Variants in CDC42SE2 observed in about 807,000 individuals in gnomAD.
CDC42SE2 encodes the protein CDC42 small effector 2, also known as CDC42 small effector protein 2.
CDC42SE2 carries 3 observed loss-of-function variants against 11.5 expected under a neutral mutation model. The ratio of observed to expected loss-of-function variants is 0.26; its 90% CI spans 0.12 to 0.67. The LOEUF is 0.67. CDC42SE2 is among the 30% of genes least tolerant of loss of function. CDC42SE2 has a pLI of 0.80. For missense variants in CDC42SE2, 82 were observed against 106.8 expected (o/e 0.77, Z 1.02); for synonymous variants, 33 against 34.8 (o/e 0.95, Z 0.18).
At chr5:131,341,260 TC>T (rs1467276475) in intron 2 of CDC42SE2, among the ~76,000 whole-genome samples, 2 of 152,124 alleles carry the variant, frequency 1.3e-5, no homozygotes, top group African/African-American at 4.8e-5. Context: ...ATTTGAGAAT[TC>T]CAAGAGTTAA....
intron 1 of CDC42SE2, among the ~76,000 whole-genome samples, chr5:131,315,495 G>T (rs1758022876): frequency 6.6e-6 from 1 of 152,174 alleles, no homozygotes; most frequent in African/African-American, 2.4e-5. Flanking sequence ...AAAGGAGAGT[G>T]GCGACTTCTG....
chr5:131,293,135 C>T (rs564327380), intron 1 of CDC42SE2, among the ~76,000 whole-genome samples: 6 of 152,026 alleles, frequency 3.9e-5, no homozygotes, highest in East Asian at 1.9e-4. Flanking sequence ...TAACCCGCAA[C>T]GTGATGGTAA....
At chr5:131,275,623 G>A (rs1254588929) in intron 1 of CDC42SE2, among the ~76,000 whole-genome samples, 1 of 151,396 alleles carries the variant, frequency 6.6e-6, no homozygotes, top group Admixed American at 6.6e-5. Context: ...AGGGATGTAG[G>A]CTCAAATGAG....
intron 1 of CDC42SE2, among the ~76,000 whole-genome samples, chr5:131,300,739 C>G (rs1356685423): frequency 1.3e-5 from 2 of 150,216 alleles, no homozygotes; most frequent in Non-Finnish European, 2.9e-5. Context: ...GCCGAGATCG[C>G]GCCACTGCAC....
In CDC42SE2 at chr5:131,345,148, ATGACTT is replaced by A. The variant is rs200164087; in HGVS notation, c.-285-14058_-285-14053del. Among the ~76,000 whole-genome samples the A allele has an allele frequency of 1.8e-3, 273 of 152,328 alleles. 2 individuals are homozygous for A. The East Asian group carries it at 0.021, about 12-fold the overall frequency. On this transcript the variant is annotated intron_variant, in intron 2 of 4. Coordinates refer to ENST00000505065, the MANE Select transcript of CDC42SE2 (RefSeq NM_001375635.1). ...GCAACGGAACAAAGCTGGACAGAGAATGACTTTGGCAAGTTGAGAGAAGAAGGCTTC... is the reference window on the plus strand; with the variant it reads ...GCAACGGAACAAAGCTGGACAGAGAATGGCAAGTTGAGAGAAGAAGGCTTC...
At chr5:131,260,385 G>A (rs1756713650), upstream of CDC42SE2, among the ~76,000 whole-genome samples, 1 of 152,200 alleles carries the variant, frequency 6.6e-6, no homozygotes, top group African/African-American at 2.4e-5. Context: ...CGCTTTGGGA[G>A]GCTGGGGCGG....
rs184299862 is a variant in CDC42SE2, at chr5:131,335,476, A to G, written c.-286+19332A>G. 1.5e-3 allele frequency among the ~76,000 whole-genome samples: 229 copies of G among 152,288 alleles called. 2 individuals are homozygous for G. In the East Asian group the frequency reaches 0.024, roughly 16 times the overall value. On this transcript the variant is annotated intron_variant, in intron 2 of 4. Coordinates refer to ENST00000505065, the MANE Select transcript of CDC42SE2 (RefSeq NM_001375635.1). The stretch of plus-strand genomic sequence containing the variant: ...GGGGTGGAGAGTTCTGTAGATGTCT[A>G]TTAGGTCGGCTTGGTGCAGAGCTGA...
rs893555627 is a variant in CDC42SE2, at chr5:131,393,789, C to A, written c.*2698C>A. On this transcript the variant is annotated 3_prime_UTR_variant, in exon 5 of 5. Transcript: ENST00000505065. ...GAAGCCGTGATCCTTTTCCCTGACT[C>A]ATGATTTTAGTCTTTTTCCAAATCG... 10 of 149,910 alleles carry A rather than the reference C, an allele frequency of 6.7e-5. No individual in the cohort carries two copies. The highest frequency in any genetic ancestry group is 6.6e-4 in the Admixed American group (10 of 15,044). The allele number at this position is 149,910 out of a possible 1,614,324, so 9.3% of individuals were successfully genotyped here.
intron 3 of CDC42SE2, among the ~76,000 whole-genome samples, chr5:131,373,251 G>GA (rs565796847): frequency 9.9e-4 from 151 of 152,182 alleles, no homozygotes; most frequent in Non-Finnish European, 1.7e-3. Context: ...AACCTACAAA[G>GA]AAAAAGAGAG....
At chr5:131,289,866 G>A (rs1363413669) in intron 1 of CDC42SE2, among the ~76,000 whole-genome samples, 1 of 151,774 alleles carries the variant, frequency 6.6e-6, no homozygotes, top group Non-Finnish European at 1.5e-5. Flanking sequence ...TAGAAACAGG[G>A]ACTCGCTCTG....
rs116084466 is a variant in CDC42SE2, at chr5:131,341,052, A to T, written c.-285-18157A>T. Among the ~76,000 whole-genome samples, 912 of 152,258 alleles carry T rather than the reference A, an allele frequency of 6.0e-3. 6 individuals carry two copies. Among genetic ancestry groups the T allele is most frequent in the African/African-American group, 0.021 (875 of 41,542 alleles). On this transcript the variant is annotated intron_variant, in intron 2 of 4. Coordinates refer to ENST00000505065, the MANE Select transcript of CDC42SE2 (RefSeq NM_001375635.1). The stretch of plus-strand genomic sequence containing the variant: ...GAGGCAAGAAGCAATAATCAAATCA[A>T]TTGGCAAATTTGGAAAAATATTAAT...
At chr5:131,284,321 A>G (rs1182324894) in intron 1 of CDC42SE2, among the ~76,000 whole-genome samples, 1 of 152,186 alleles carries the variant, frequency 6.6e-6, no homozygotes, top group African/African-American at 2.4e-5. Flanking sequence ...TTAACAAAAA[A>G]GAGTCGTTAA....
intron 1 of CDC42SE2, among the ~76,000 whole-genome samples, chr5:131,275,889 A>G (rs1329465246): frequency 6.6e-6 from 1 of 151,904 alleles, no homozygotes; most frequent in Non-Finnish European, 1.5e-5. Context: ...CAAAAAAAAA[A>G]GCGTATATTT....
intron 3 of CDC42SE2, 127 bp downstream of exon 3, chr5:131,359,674 T>C (rs898921055): frequency 1.4e-6 from 1 of 740,524 alleles, no homozygotes; most frequent in South Asian, 1.5e-5. Flanking sequence ...AGAGAATAGT[T>C]CAGTGGAACT....
rs372136163 is a variant in CDC42SE2, at chr5:131,346,067, A to T, written c.-285-13142A>T. ...AAAAACATGCCAAATTATAAAGACT[A>T]TCAATGCTAGGAAGAAACTGCATCA... On this transcript the variant is annotated intron_variant, in intron 2 of 4. Coordinates refer to ENST00000505065, the MANE Select transcript of CDC42SE2 (RefSeq NM_001375635.1). Among the ~76,000 whole-genome samples, 7 of 152,354 alleles carry T rather than the reference A, an allele frequency of 4.6e-5. No individual in the cohort carries two copies. In the South Asian group the frequency reaches 1.0e-3, roughly 23 times the overall value.
chr5:131,219,800 G>A, the CDC42SE2 span, among the ~76,000 whole-genome samples: 2 of 152,120 alleles, frequency 1.3e-5, no homozygotes, highest in Non-Finnish European at 2.9e-5. Flanking sequence ...AGCTGGGTGT[G>A]GTGGAATGTG....
chr5:131,266,774 T>G (rs933806878), intron 1 of CDC42SE2, among the ~76,000 whole-genome samples: 1 of 152,108 alleles, frequency 6.6e-6, no homozygotes, highest in Non-Finnish European at 1.5e-5. Context: ...AAAGTAATTC[T>G]TCAAATTTTA....
At chr5:131,358,503 AT>A (rs1448799035) in intron 2 of CDC42SE2, among the ~76,000 whole-genome samples, 1 of 152,188 alleles carries the variant, frequency 6.6e-6, no homozygotes, top group Non-Finnish European at 1.5e-5. Context: ...GAAATAAAAA[AT>A]AGGTTTAACT....
At chr5:131,274,706 G>C (rs1486218151) in intron 1 of CDC42SE2, among the ~76,000 whole-genome samples, 1 of 152,162 alleles carries the variant, frequency 6.6e-6, no homozygotes, top group Non-Finnish European at 1.5e-5. Context: ...CTGCTTGTCT[G>C]ATTTCATGTC....
Sources: gnomAD v4.1 joint callset for allele counts (sites outside exome capture counted in the v4.1 genomes callset) on GRCh38, gnomAD v4.1.1 for gene constraint, MANE v1.5 for transcripts, NCBI Gene and HGNC (gene_info 2026-07-23, HGNC 2026-07-21) for gene names.